Variants in ELOA observed in about 807,000 individuals in gnomAD.
The protein encoded by ELOA is elongin A.
In ELOA, 15 loss-of-function variants were observed where a neutral mutation model predicts 85.2. That is an observed-to-expected ratio of 0.18 (90% CI 0.12 to 0.27). The LOEUF is 0.27. Ranked by LOEUF, ELOA falls within the 10% of genes least tolerant of loss-of-function variation. The pLI is 1.00. For missense variants in ELOA, 769 were observed against 952.7 expected, an observed-to-expected ratio of 0.81 and a Z score of 2.54; for synonymous variants, 348 against 357.2, an observed-to-expected ratio of 0.97 and a Z score of 0.29.
rs115198669 is a variant in ELOA, at chr1:23,748,907, A to T, written c.76-114A>T. 4,718 of 745,480 alleles carry T rather than the reference A, an allele frequency of 6.3e-3. 134 individuals carry two copies. In the African/African-American group the frequency reaches 0.072, roughly 11 times the overall value. 46.2% of individuals were successfully genotyped at this position (745,480 alleles called of 1,614,324 possible). ...ATAGGGATATTACTTACTACTGTAA[A>T]TAGGCATAATACTTATACTCATTAC... On this transcript the variant is annotated intron_variant, in intron 1 of 10. Transcript: ENST00000613537.
intron 7 of ELOA, among the ~76,000 whole-genome samples, chr1:23,754,986 C>T (rs1326786525): frequency 9.3e-5 from 14 of 150,056 alleles, no homozygotes; most frequent in Non-Finnish European, 1.9e-4. Context: ...GCTTCGACTG[C>T]AGTACAGAGG....
At chr1:23,758,835 G>T (rs750465583) in intron 10 of ELOA, among the ~76,000 whole-genome samples, 25 of 151,942 alleles carry the variant, frequency 1.6e-4, no homozygotes, top group Non-Finnish European at 2.8e-4. Context: ...TGGACAGATT[G>T]GGGGTAGACG....
chr1:23,757,750 T>C (rs532978936), intron 10 of ELOA, among the ~76,000 whole-genome samples: 62 of 150,944 alleles, frequency 4.1e-4, no homozygotes, highest in South Asian at 4.0e-3. Context: ...CTGCCCGCCT[T>C]GGCCTCCCAA....
At chr1:23,745,448 A>G (rs1236612550) in intron 1 of ELOA, among the ~76,000 whole-genome samples, 1 of 151,236 alleles carries the variant, frequency 6.6e-6, no homozygotes, top group Non-Finnish European at 1.5e-5. Flanking sequence ...CTATTAGTTG[A>G]TTTGCATGAA....
chr1:23,755,262 GTTCT>G (rs1644788972), intron 7 of ELOA, among the ~76,000 whole-genome samples: 1 of 152,092 alleles, frequency 6.6e-6, no homozygotes, highest in Non-Finnish European at 1.5e-5. Context: ...CTTGATCGCA[GTTCT>G]ACCCTTTGCT....
chr1:23,743,512 G>T lies in ELOA; in HGVS notation c.9G>T (p.Ala3=). 1.3e-6 allele frequency: 2 copies of T among 1,504,930 alleles called. No individual in the cohort carries two copies. The highest frequency in any genetic ancestry group is 2.8e-5 in the East Asian group (1 of 36,046). The allele number at this position is 1,504,930 out of a possible 1,614,324, so 93.2% of individuals were successfully genotyped here. Reference sequence around the variant, plus strand: ...CCGCGCCAGTGACAGCGATGGCGGCGGAGTCGGCGCTCCAAGTTGTGGAGA... The same window carrying T: ...CCGCGCCAGTGACAGCGATGGCGGCTGAGTCGGCGCTCCAAGTTGTGGAGA... The part of the protein sequence containing the change: MA[A]ESALQVVEKL... The change falls in exon 1 of 11, where the codon GCG becomes GCT. Residue 3 remains alanine (A), a synonymous_variant. Transcript: ENST00000613537.
In ELOA at chr1:23,754,434, C is replaced by T; in HGVS notation, c.1765C>T (p.Leu589=). The T allele has an allele frequency of 1.9e-6, 3 of 1,614,092 alleles. No individual in the cohort carries two copies. Among genetic ancestry groups the T allele is most frequent in the Non-Finnish European group, 2.5e-6 (3 of 1,179,936 alleles). Residue 589 remains leucine, a synonymous_variant, in exon 7 of 11, where the codon CTG becomes TTG. Coordinates refer to ENST00000613537, the MANE Select transcript of ELOA (RefSeq NM_003198.3). The part of the protein sequence containing the change: ...PVLERCTPDQ[L]YRIEEYNHVL... ...TTTGGAGAGGTGTACACCTGATCAG[C>T]TGTATCGCATAGAGGAATACAATCA...
chr1:23,756,387 T>C lies in ELOA; in HGVS notation c.2084+2T>C, dbSNP rs1644794924. 6.4e-7 allele frequency: 1 copy of C among 1,565,406 alleles called. No homozygotes were observed. Among genetic ancestry groups the C allele is most frequent in the Admixed American group, 1.9e-5 (1 of 52,348 alleles). ...AGCAGCTGTCCCTGAGAAAATCAAG[T>C]AAGATCTGTGTTCTTACCTGGCTTT... On this transcript the variant is annotated splice_donor_variant, in intron 9 of 10. Transcript: ENST00000613537. LOFTEE classifies it high-confidence loss of function.
intron 1 of ELOA, among the ~76,000 whole-genome samples, chr1:23,745,235 A>G (rs1304644484): frequency 6.6e-6 from 1 of 152,226 alleles, no homozygotes; most frequent in Non-Finnish European, 1.5e-5. Flanking sequence ...CCTTGTGGAC[A>G]TCTAATAAAT....
rs149723037 is a variant in ELOA, at chr1:23,756,078, T to C, written c.1972+55T>C. 2.4e-4 allele frequency: 379 copies of C among 1,584,188 alleles called. 3 individuals are homozygous for C. The East Asian group carries it at 4.2e-3, about 17-fold the overall frequency. On this transcript the variant is annotated intron_variant, in intron 8 of 10. Transcript: ENST00000613537. The stretch of plus-strand genomic sequence containing the variant: ...CTGGCAGGATGAGTGTTCTGGTCAA[T>C]AGCAGGGTGTTGGTGGGCTTGGCTG...
chr1:23,752,037 C>G lies in ELOA; in HGVS notation c.1425+7C>G. 6.3e-7 allele frequency: 1 copy of G among 1,579,428 alleles called. No individual in the cohort carries two copies. Among genetic ancestry groups the G allele is most frequent in the Non-Finnish European group, 8.6e-7 (1 of 1,168,704 alleles). ...TTTAGCCAAGCTGAGAAAGGTAACCCCTTCAGCCCCTTGGTGGCTTCCCAC... is the reference window on the plus strand; with the variant it reads ...TTTAGCCAAGCTGAGAAAGGTAACCGCTTCAGCCCCTTGGTGGCTTCCCAC... On this transcript the variant is annotated splice_region_variant and intron_variant, in intron 4 of 10. Coordinates refer to ENST00000613537, the MANE Select transcript of ELOA (RefSeq NM_003198.3).
rs1254095175 is a variant in ELOA, at chr1:23,743,517, C to T, written c.14C>T (p.Ser5Leu). The change falls in exon 1 of 11, where the codon TCG (serine) becomes TTG (leucine). Residue 5 changes from serine (S) to leucine (L), a missense_variant. Around this residue, in one of 4 missense-constraint regions of ELOA, gnomAD observed 440 missense variants for 474.0 expected, o/e 0.93. Transcript: ENST00000613537. Reference protein sequence around the residue: MAAESALQVVEKLQA... With the variant: MAAELALQVVEKLQA... Reference sequence around the variant, plus strand: ...CCAGTGACAGCGATGGCGGCGGAGTCGGCGCTCCAAGTTGTGGAGAAGCTG... The same window carrying T: ...CCAGTGACAGCGATGGCGGCGGAGTTGGCGCTCCAAGTTGTGGAGAAGCTG... 2.0e-6 allele frequency: 3 copies of T among 1,503,266 alleles called. No homozygotes were observed. The highest frequency in any genetic ancestry group is 2.1e-5 in the Admixed American group (1 of 47,304). The allele number at this position is 1,503,266 out of a possible 1,614,324, so 93.1% of individuals were successfully genotyped here.
At chr1:23,758,607 G>A (rs1306622333) in intron 10 of ELOA, among the ~76,000 whole-genome samples, 1 of 147,352 alleles carries the variant, frequency 6.8e-6, no homozygotes, top group East Asian at 2.0e-4. Context: ...ATATCTAGTT[G>A]CGTCTATTTT....
rs1462379519 is a variant in ELOA, at chr1:23,756,394, T to C, written c.2084+9T>C. The C allele has an allele frequency of 1.9e-6, 3 of 1,557,608 alleles. No individual in the cohort carries two copies. The East Asian group carries it at 7.1e-5, about 37-fold the overall frequency. On this transcript the variant is annotated intron_variant, in intron 9 of 10. Transcript: ENST00000613537. The stretch of plus-strand genomic sequence containing the variant: ...GTCCCTGAGAAAATCAAGTAAGATC[T>C]GTGTTCTTACCTGGCTTTTGTGTGC...
At chr1:23,749,555 T>C (rs1285054052) in intron 2 of ELOA, among the ~76,000 whole-genome samples, 1 of 152,162 alleles carries the variant, frequency 6.6e-6, no homozygotes, top group African/African-American at 2.4e-5. Flanking sequence ...CTTCACAGGG[T>C]TATTGTAAAG....
chr1:23,743,508 C>A lies in ELOA; in HGVS notation c.5C>A (p.Ala2Glu). The A allele has an allele frequency of 6.6e-7, 1 of 1,504,620 alleles. No individual in the cohort carries two copies. The highest frequency in any genetic ancestry group is 1.2e-5 in the South Asian group (1 of 80,812). The allele number at this position is 1,504,620 out of a possible 1,614,324, so 93.2% of individuals were successfully genotyped here. Residue 2 changes from alanine (A) to glutamate (E), a missense_variant, in exon 1 of 11, where the codon GCG becomes GAG. This residue lies in a region of ELOA where 440 missense variants were observed against 474.0 expected (regional missense o/e 0.93). Transcript: ENST00000613537. Reference protein sequence around the residue: MAAESALQVVEK... With the variant: MEAESALQVVEK... Reference sequence around the variant, plus strand: ...GAGGCCGCGCCAGTGACAGCGATGGCGGCGGAGTCGGCGCTCCAAGTTGTG... The same window carrying A: ...GAGGCCGCGCCAGTGACAGCGATGGAGGCGGAGTCGGCGCTCCAAGTTGTG...
intron 7 of ELOA, 94 bp from the exon 8 acceptor site, chr1:23,755,749 C>T (rs1644791400): frequency 7.8e-7 from 1 of 1,287,522 alleles, no homozygotes; most frequent in Non-Finnish European, 1.1e-6. Context: ...CACTGCACTG[C>T]AGTCTACACG....
At position 23,752,080 on chromosome 1, in the gene ELOA, G is replaced by A. The variant is rs1026967699; in HGVS notation, c.1425+50G>A. On this transcript the variant is annotated intron_variant, in intron 4 of 10. Transcript: ENST00000613537. ...CTTCCCACCCAGAGCACCTGGCCCT[G>A]CAGAGCTCAGAGGATTGCCCTGCCA... 9 of 1,517,914 alleles carry A rather than the reference G, an allele frequency of 5.9e-6. No individual in the cohort carries two copies. The East Asian group carries it at 1.8e-4, about 30-fold the overall frequency. 94.0% of individuals were successfully genotyped at this position (1,517,914 alleles called of 1,614,324 possible).
intron 10 of ELOA, among the ~76,000 whole-genome samples, chr1:23,758,609 G>A (rs1037097876): frequency 9.5e-5 from 14 of 147,590 alleles, no homozygotes; most frequent in Admixed American, 7.7e-4. Flanking sequence ...ATCTAGTTGC[G>A]TCTATTTTGT....
Sources: gnomAD v4.1 joint callset for allele counts (sites outside exome capture counted in the v4.1 genomes callset) on GRCh38, gnomAD v4.1.1 for gene constraint, gnomAD v4.1.1 regional missense constraint, MANE v1.5 for transcripts, NCBI Gene and HGNC (gene_info 2026-07-23, HGNC 2026-07-21) for gene names.